CLSTN2: variants seen among roughly 807,000 people sequenced by gnomAD.
CLSTN2 encodes calsyntenin 2.
Under a neutral mutation model 101.2 loss-of-function variants are expected in CLSTN2, and 48 were observed. That is an observed-to-expected ratio of 0.47 (90% CI 0.38 to 0.60). CLSTN2 has a LOEUF of 0.60. Ranked by LOEUF, CLSTN2 falls within the 20% of genes least tolerant of loss-of-function variation. The pLI is 0.00. For synonymous variants in CLSTN2, 481 were observed against 463.6 expected (o/e 1.04, Z -0.48); for missense variants, 1,160 against 1,238.2 (o/e 0.94, Z 0.95).
At chr3:139,948,418 T>C (rs902735056) in intron 1 of CLSTN2, among the ~76,000 whole-genome samples, 1 of 151,368 alleles carries the variant, frequency 6.6e-6, no homozygotes, top group African/African-American at 2.4e-5. Flanking sequence ...TGAGCCAAGA[T>C]AGCGCCATTG....
At chr3:140,149,314 C>G (rs1230350176) in intron 1 of CLSTN2, among the ~76,000 whole-genome samples, 2 of 152,180 alleles carry the variant, frequency 1.3e-5, no homozygotes, top group Non-Finnish European at 2.9e-5. Flanking sequence ...AAATGGATGT[C>G]AGATAACAGG....
At chr3:140,094,554 C>A (rs914360201) in intron 1 of CLSTN2, among the ~76,000 whole-genome samples, 1 of 152,002 alleles carries the variant, frequency 6.6e-6, no homozygotes, top group African/African-American at 2.4e-5. Flanking sequence ...GGTACAGGAA[C>A]CTCTAGAGGG....
chr3:140,087,814 T>C (rs974172757), intron 1 of CLSTN2, among the ~76,000 whole-genome samples: 3 of 152,064 alleles, frequency 2.0e-5, no homozygotes, highest in African/African-American at 7.2e-5. Context: ...AGTGGATAAG[T>C]TGTTTGTAGC....
chr3:140,226,099 TGA>T (rs1274315366), intron 2 of CLSTN2, among the ~76,000 whole-genome samples: 2 of 152,148 alleles, frequency 1.3e-5, no homozygotes, highest in African/African-American at 4.8e-5. Context: ...AGAATTACAC[TGA>T]GAGAAAAAAG....
chr3:140,059,899 G>T (rs1354027422), intron 1 of CLSTN2, among the ~76,000 whole-genome samples: 3 of 152,126 alleles, frequency 2.0e-5, no homozygotes, highest in Non-Finnish European at 2.9e-5. Flanking sequence ...AGACATTAAT[G>T]GTTTTGCTTA....
intron 2 of CLSTN2, among the ~76,000 whole-genome samples, chr3:140,290,412 G>A (rs1485349786): frequency 3.9e-5 from 6 of 152,144 alleles, no homozygotes; most frequent in African/African-American, 1.4e-4. Context: ...CGAGCATTAG[G>A]AAGGGGTTCA....
At chr3:140,385,312 G>A (rs1487526311) in intron 2 of CLSTN2, among the ~76,000 whole-genome samples, 2 of 144,270 alleles carry the variant, frequency 1.4e-5, no homozygotes, top group African/African-American at 5.1e-5. Context: ...TGGCTCAAAA[G>A]ATTAGAAATT....
At chr3:140,360,919 T>G (rs2087723850) in intron 2 of CLSTN2, among the ~76,000 whole-genome samples, 1 of 152,228 alleles carries the variant, frequency 6.6e-6, no homozygotes, top group African/African-American at 2.4e-5. Context: ...CTGGTGAATT[T>G]TGCTACATAC....
chr3:140,531,266 G>A (rs1935249796), intron 8 of CLSTN2, among the ~76,000 whole-genome samples: 1 of 152,104 alleles, frequency 6.6e-6, no homozygotes, highest in Non-Finnish European at 1.5e-5. Context: ...CAGACTAATG[G>A]GCTTCAAAAG....
intron 2 of CLSTN2, among the ~76,000 whole-genome samples, chr3:140,368,824 C>G (rs1479502351): frequency 6.6e-6 from 1 of 152,166 alleles, no homozygotes; most frequent in African/African-American, 2.4e-5. Flanking sequence ...CCTTTCCTTC[C>G]AGAGCACCCA....
chr3:140,410,763 G>A (rs112670929), intron 4 of CLSTN2, among the ~76,000 whole-genome samples: 54 of 152,174 alleles, frequency 3.5e-4, no homozygotes, highest in African/African-American at 1.3e-3. Context: ...GTTAATGTAT[G>A]TACAATATAA....
intron 2 of CLSTN2, among the ~76,000 whole-genome samples, chr3:140,257,027 G>T (rs905437298): frequency 1.3e-4 from 20 of 152,236 alleles, no homozygotes; most frequent in Middle Eastern, 3.4e-3. Context: ...GATGGCTCAC[G>T]CTTGTAATCC....
chr3:140,291,129 T>C (rs1169280027), intron 2 of CLSTN2, among the ~76,000 whole-genome samples: 1 of 152,148 alleles, frequency 6.6e-6, no homozygotes, highest in Non-Finnish European at 1.5e-5. Flanking sequence ...CTAATATTAA[T>C]AGTTGTCCCA....
chr3:140,568,204 C>G lies in CLSTN2; in HGVS notation c.*1951C>G, dbSNP rs1985361512. ...GACACTGCTGCAAACCTACTATGTG[C>G]TAAGCATCCTACCAATAGCTGTGAG... On this transcript the variant is annotated 3_prime_UTR_variant, in exon 17 of 17. Coordinates refer to ENST00000458420, the MANE Select transcript of CLSTN2 (RefSeq NM_022131.3). 6.6e-6 allele frequency: 1 copy of G among 152,232 alleles called. No individual in the cohort carries two copies. The highest frequency in any genetic ancestry group is 2.4e-5 in the African/African-American group (1 of 41,464). 9.4% of individuals were successfully genotyped at this position (152,232 alleles called of 1,614,324 possible).
chr3:140,103,541 G>A (rs2009003369), intron 1 of CLSTN2, among the ~76,000 whole-genome samples: 3 of 152,152 alleles, frequency 2.0e-5, no homozygotes, highest in South Asian at 2.1e-4. Flanking sequence ...TGATAAGTGA[G>A]TTCTGCATTC....
Position 140,515,947 on chromosome 3 carries a change from C to T in CLSTN2, c.1345-16377C>T, listed in dbSNP as rs74887202. 8.7e-3 allele frequency among the ~76,000 whole-genome samples: 1,330 copies of T among 152,024 alleles called. 25 individuals carry two copies. Among genetic ancestry groups the T allele is most frequent in the African/African-American group, 0.031 (1,268 of 41,426 alleles). On this transcript the variant is annotated intron_variant, in intron 8 of 16. Transcript: ENST00000458420. Reference sequence around the variant, plus strand: ...GCTGTCAGTAGAATATTAAAGCCCCCACTATTATTGTATTGCTGTCTATCT... The same window carrying T: ...GCTGTCAGTAGAATATTAAAGCCCCTACTATTATTGTATTGCTGTCTATCT...
chr3:140,278,437 C>G (rs1314671505), intron 2 of CLSTN2, among the ~76,000 whole-genome samples: 1 of 152,168 alleles, frequency 6.6e-6, no homozygotes, highest in Non-Finnish European at 1.5e-5. Flanking sequence ...CTCTCCTTTT[C>G]CCAGGCTCAT....
At chr3:140,021,126 C>G (rs7625731) in intron 1 of CLSTN2, among the ~76,000 whole-genome samples, 29,855 of 152,138 alleles carry the variant, frequency 0.2, 3,206 homozygotes, top group Admixed American at 0.29. Context: ...AATGCTTCCT[C>G]GAGCCAGGGT....
At position 140,507,941 on chromosome 3, in the gene CLSTN2, G is replaced by A. The variant is rs1181907707; in HGVS notation, c.1345-24383G>A. 2.0e-5 allele frequency: 3 copies of A among 152,132 alleles called. No individual in the cohort carries two copies. The East Asian group carries it at 5.8e-4, about 29-fold the overall frequency. The allele number at this position is 152,132 out of a possible 1,614,324, so 9.4% of individuals were successfully genotyped here. The stretch of plus-strand genomic sequence containing the variant: ...AGCAAGTTTAAGAAACTTGCCCCAA[G>A]TTCCAATCCCAAGTAAGTGGATAGA... On this transcript the variant is annotated intron_variant, in intron 8 of 16. Coordinates refer to ENST00000458420, the MANE Select transcript of CLSTN2 (RefSeq NM_022131.3).
Sources: allele counts gnomAD v4.1 joint callset (sites outside exome capture counted in the v4.1 genomes callset), GRCh38; gene constraint gnomAD v4.1.1; transcripts MANE v1.5; gene names NCBI Gene and HGNC (gene_info 2026-07-23, HGNC 2026-07-21).